The following CCBE1 variants were observed in gnomAD, a reference collection of about 807,000 sequenced individuals.
The protein encoded by CCBE1 is collagen and calcium-binding EGF domain-containing protein 1.
CCBE1 carries 37 observed loss-of-function variants against 50.0 expected under a neutral mutation model. The ratio of observed to expected loss-of-function variants is 0.74; its 90% CI spans 0.57 to 0.97. The LOEUF (loss-of-function observed/expected upper bound fraction) is 0.97. Ranked by LOEUF, CCBE1 falls within the 50% of genes least tolerant of loss-of-function variation. The pLI is 0.00. For synonymous variants in CCBE1, 234 were observed against 203.7 expected (o/e 1.15, Z -1.27); for missense variants, 538 against 523.8 (o/e 1.03, Z -0.26).
chr18:59,609,855 A>G (rs1278428935), intron 2 of CCBE1, among the ~76,000 whole-genome samples: 1 of 152,252 alleles, frequency 6.6e-6, no homozygotes, highest in Non-Finnish European at 1.5e-5. Flanking sequence ...ATGATTGGGT[A>G]AGTACCAGGG....
At chr18:59,629,583 G>T (rs1291562359) in intron 2 of CCBE1, among the ~76,000 whole-genome samples, 3 of 152,196 alleles carry the variant, frequency 2.0e-5, no homozygotes, top group Non-Finnish European at 4.4e-5. Context: ...ATGAATACAT[G>T]ATTAAGAAAG....
rs1464651359 is a variant in CCBE1 at position 59,547,087 on chromosome 18, G to GAGAAAGGGAA, written c.213-66850_213-66849insTTCCCTTTCT. Reference sequence around the variant, plus strand: ...GGGGAGAGAGGGGGAGAGAAAGGGAGAGAGAGGGAGGTAGGGAGAGGGAGG... The same window carrying GAGAAAGGGAA: ...GGGGAGAGAGGGGGAGAGAAAGGGAGAGAAAGGGAAAGAGAGGGAGGTAGGGAGAGGGAGG... On this transcript the variant is annotated intron_variant, in intron 2 of 10. Transcript: ENST00000439986. Among the ~76,000 whole-genome samples the GAGAAAGGGAA allele has an allele frequency of 1.9e-3, 211 of 112,676 alleles. 2 individuals carry two copies. Among genetic ancestry groups the GAGAAAGGGAA allele is most frequent in the Non-Finnish European group, 2.7e-3 (148 of 53,974 alleles). The allele number at this position is 112,676 out of a possible 152,430, so 73.9% of individuals were successfully genotyped here. A position where few individuals can be genotyped will look rare whatever the true frequency, so the allele number is the denominator to read the frequency against.
intron 2 of CCBE1, among the ~76,000 whole-genome samples, chr18:59,596,323 G>A (rs1192843373): frequency 6.6e-6 from 1 of 152,198 alleles, no homozygotes; most frequent in African/African-American, 2.4e-5. Context: ...CACAATGGCA[G>A]AAGTCTACTT....
intron 7 of CCBE1, among the ~76,000 whole-genome samples, chr18:59,445,955 A>G (rs2143642075): frequency 6.6e-6 from 1 of 152,284 alleles, no homozygotes; most frequent in Middle Eastern, 3.4e-3. Context: ...AGTTTCCTGT[A>G]TTGGTGCTCC....
intron 2 of CCBE1, chr18:59,685,878 T>A (rs1487473972): frequency 1.3e-5 from 2 of 152,238 alleles, no homozygotes; most frequent in Non-Finnish European, 1.5e-5. Flanking sequence ...CTTGTCAGAA[T>A]GCAAATTGTG....
At chr18:59,564,731 A>G (rs2052793874) in intron 2 of CCBE1, among the ~76,000 whole-genome samples, 1 of 152,244 alleles carries the variant, frequency 6.6e-6, no homozygotes, top group South Asian at 2.1e-4. Context: ...GAAGACGATG[A>G]ACACTGAGGC....
chr18:59,609,405 C>T (rs1449617294), intron 2 of CCBE1, among the ~76,000 whole-genome samples: 1 of 152,224 alleles, frequency 6.6e-6, no homozygotes, highest in Admixed American at 6.5e-5. Context: ...CATCCACCCT[C>T]ATCACCATTA....
chr18:59,572,353 A>G (rs1320173382), intron 2 of CCBE1, among the ~76,000 whole-genome samples: 3 of 152,186 alleles, frequency 2.0e-5, no homozygotes, highest in Non-Finnish European at 4.4e-5. Flanking sequence ...AAGAGACTAA[A>G]TAAAAAAGGT....
intron 2 of CCBE1, among the ~76,000 whole-genome samples, chr18:59,633,627 G>A (rs2053878788): frequency 6.6e-6 from 1 of 152,100 alleles, no homozygotes. Flanking sequence ...GACCCTAGAG[G>A]CAAAACATTG....
At chr18:59,558,165 T>C (rs922005460) in intron 2 of CCBE1, among the ~76,000 whole-genome samples, 3 of 152,232 alleles carry the variant, frequency 2.0e-5, no homozygotes, top group African/African-American at 7.2e-5. Context: ...ATCACTTGGC[T>C]TATGGAATCA....
At chr18:59,598,984 G>C (rs1204344106) in intron 2 of CCBE1, among the ~76,000 whole-genome samples, 1 of 152,156 alleles carries the variant, frequency 6.6e-6, no homozygotes, top group African/African-American at 2.4e-5. Flanking sequence ...GATGCTGGCA[G>C]AGTCCCTAAA....
chr18:59,639,183 T>G (rs1206086241), intron 2 of CCBE1, among the ~76,000 whole-genome samples: 4 of 152,064 alleles, frequency 2.6e-5, no homozygotes, highest in Admixed American at 2.6e-4. Context: ...GGTGGGAGAA[T>G]GGATTGAGCC....
chr18:59,445,113 A>G (rs1910612172), intron 7 of CCBE1, among the ~76,000 whole-genome samples: 1 of 152,190 alleles, frequency 6.6e-6, no homozygotes, highest in African/African-American at 2.4e-5. Flanking sequence ...ACTCATCACC[A>G]AATCCAATGT....
intron 2 of CCBE1, among the ~76,000 whole-genome samples, chr18:59,512,948 A>G (rs1914197241): frequency 6.6e-6 from 1 of 152,206 alleles, no homozygotes; most frequent in Admixed American, 6.5e-5. Flanking sequence ...ACAGGAGGGA[A>G]AAAAGAAAAT....
At chr18:59,560,495 T>C (rs911174112) in intron 2 of CCBE1, among the ~76,000 whole-genome samples, 1 of 152,082 alleles carries the variant, frequency 6.6e-6, no homozygotes, top group South Asian at 2.1e-4. Flanking sequence ...AAATACCTAA[T>C]GCATGCGGGG....
intron 2 of CCBE1, among the ~76,000 whole-genome samples, chr18:59,592,844 T>C (rs997401864): frequency 6.6e-5 from 10 of 152,012 alleles, no homozygotes; most frequent in Non-Finnish European, 1.5e-5. Flanking sequence ...AAAATTCAAA[T>C]TGTAGGAACC....
chr18:59,536,590 C>T (rs1435889456), intron 2 of CCBE1, among the ~76,000 whole-genome samples: 1 of 152,128 alleles, frequency 6.6e-6, no homozygotes, highest in Non-Finnish European at 1.5e-5. Context: ...TGCAACTTGG[C>T]AATGGTCATA....
intron 2 of CCBE1, among the ~76,000 whole-genome samples, chr18:59,665,203 G>C (rs2054337284): frequency 6.6e-6 from 1 of 152,072 alleles, no homozygotes; most frequent in South Asian, 2.1e-4. Flanking sequence ...TCACGCAAGA[G>C]GATGCAGGCA....
chr18:59,540,338 T>C (rs1915420669), intron 2 of CCBE1, among the ~76,000 whole-genome samples: 1 of 152,176 alleles, frequency 6.6e-6, no homozygotes, highest in Admixed American at 6.5e-5. Context: ...ATAGAAATAT[T>C]ACATAGGACC....
Sources: gnomAD v4.1 joint callset for allele counts (sites outside exome capture counted in the v4.1 genomes callset) on GRCh38, gnomAD v4.1.1 for gene constraint, MANE v1.5 for transcripts, NCBI Gene and HGNC (gene_info 2026-07-23, HGNC 2026-07-21) for gene names.